The following SEC63 variants were observed in gnomAD, a reference collection of about 807,000 sequenced individuals.
SEC63 encodes translocation protein SEC63 homolog.
A neutral mutation model predicts 116.2 loss-of-function variants in SEC63; 56 were observed. That is an observed-to-expected ratio of 0.48 (90% confidence interval 0.39 to 0.60). The LOEUF (loss-of-function observed/expected upper bound fraction) is 0.60, where lower values mean the gene tolerates loss of function less well. Ranked by LOEUF, SEC63 falls within the 20% of genes least tolerant of loss-of-function variation. The probability of loss-of-function intolerance (pLI) is 0.00; values close to 1 mark genes in which losing one functional copy is unlikely to be tolerated. For synonymous variants in SEC63, 273 were observed against 294.6 expected, an observed-to-expected ratio of 0.93 and a Z score of 0.75; for missense variants, 668 against 900.0, an observed-to-expected ratio of 0.74 and a Z score of 3.30.
At chr6:107,876,476 A>C in intron 19 of SEC63, 88 bp downstream of exon 19, 1 of 854,626 alleles carries the variant, frequency 1.2e-6, no homozygotes, top group Non-Finnish European at 2.0e-6. Context: ...TAAATATGAT[A>C]AACTTTTTAA....
At chr6:107,944,180 T>C (rs1018930246) in intron 1 of SEC63, among the ~76,000 whole-genome samples, 1 of 151,950 alleles carries the variant, frequency 6.6e-6, no homozygotes, top group African/African-American at 2.4e-5. Flanking sequence ...AAGGTAAAAA[T>C]GTAAATAAAA....
intron 16 of SEC63, among the ~76,000 whole-genome samples, chr6:107,886,030 C>T (rs1481948129): frequency 1.3e-5 from 2 of 152,102 alleles, no homozygotes; most frequent in Non-Finnish European, 2.9e-5. Context: ...CCCGACATGC[C>T]CCGGTGTGTG....
At chr6:107,922,996 A>T (rs536076930) in intron 3 of SEC63, among the ~76,000 whole-genome samples, 1 of 132,002 alleles carries the variant, frequency 7.6e-6, no homozygotes, top group South Asian at 2.2e-4. Context: ...CATTTTCTTT[A>T]AAAAAAAAAA....
chr6:107,935,098 T>C (rs1583769431), intron 1 of SEC63, among the ~76,000 whole-genome samples: 1 of 107,922 alleles, frequency 9.3e-6, no homozygotes, highest in African/African-American at 3.6e-5. Context: ...CCTGGCCAGC[T>C]GCCCCGTCCG....
chr6:107,931,621 T>C (rs1002216967), intron 1 of SEC63, among the ~76,000 whole-genome samples: 3 of 151,410 alleles, frequency 2.0e-5, no homozygotes, highest in Non-Finnish European at 2.9e-5. Context: ...TGGTGGCACG[T>C]GCCTGTAGTC....
chr6:107,915,968 G>A (rs1030575087), intron 4 of SEC63, among the ~76,000 whole-genome samples: 15 of 152,210 alleles, frequency 9.9e-5, no homozygotes, highest in African/African-American at 3.4e-4. Context: ...ATATTCTACA[G>A]TTTAACCACA....
chr6:107,916,514 CTAT>C (rs1220502547), intron 4 of SEC63, among the ~76,000 whole-genome samples: 2 of 152,192 alleles, frequency 1.3e-5, no homozygotes, highest in African/African-American at 4.8e-5. Context: ...TCACAATTTG[CTAT>C]TATAACTTAG....
chr6:107,950,313 A>C (rs901125274), intron 1 of SEC63, among the ~76,000 whole-genome samples: 1 of 152,226 alleles, frequency 6.6e-6, no homozygotes, highest in Non-Finnish European at 1.5e-5. Context: ...AGAAACAGAC[A>C]GTGCTACAAT....
chr6:107,871,272 C>A lies in SEC63; in HGVS notation c.*432G>T, dbSNP rs970506593. Reference sequence around the variant, plus strand: ...CTTATCAAGAGATTATCAACTTGAGCGATGTTACTTAAACTTGAGCGATGT... The same window carrying A: ...CTTATCAAGAGATTATCAACTTGAGAGATGTTACTTAAACTTGAGCGATGT... On this transcript the variant is annotated 3_prime_UTR_variant, in exon 21 of 21. Transcript: ENST00000369002. 1.3e-4 allele frequency: 25 copies of A among 185,890 alleles called. No homozygotes were observed. The highest frequency in any genetic ancestry group is 1.9e-4 in the Non-Finnish European group (17 of 87,662). 11.5% of individuals were successfully genotyped at this position (185,890 alleles called of 1,614,324 possible).
chr6:107,882,979 A>G lies in SEC63; in HGVS notation c.1833+9T>C. 1.3e-6 allele frequency: 2 copies of G among 1,527,994 alleles called. No individual in the cohort carries two copies. The highest frequency in any genetic ancestry group is 1.1e-5 in the South Asian group (1 of 89,318). 94.7% of individuals were successfully genotyped at this position (1,527,994 alleles called of 1,614,324 possible). A position where few individuals can be genotyped will look rare whatever the true frequency, so the allele number is the denominator to read the frequency against. ...AATTATTTAAATTATTTAAACCTAT[A>G]AGGCTTACTGCTTCATCATCTTTGT... On this transcript the variant is annotated intron_variant, in intron 17 of 20. Transcript: ENST00000369002.
At chr6:107,912,689 T>C (rs746944285) in intron 6 of SEC63, 27 bp downstream of exon 6, 5 of 1,471,958 alleles carry the variant, frequency 3.4e-6, no homozygotes, top group Non-Finnish European at 4.8e-6. Context: ...TAATACATCA[T>C]AATGTATCTT....
chr6:107,896,735 T>C (rs999993800), intron 14 of SEC63, among the ~76,000 whole-genome samples: 2 of 151,760 alleles, frequency 1.3e-5, no homozygotes, highest in African/African-American at 4.8e-5. Context: ...TCCCAGAACT[T>C]TGGGAGGCCG....
rs565398672 is a variant in SEC63 at position 107,885,483 on chromosome 6, T to C, written c.1675-2337A>G. On this transcript the variant is annotated intron_variant, in intron 16 of 20. Transcript: ENST00000369002. ...TCTGCCACTGGAAATTACAAAACAC[T>C]GCTGAGAAAAATTAGGGAAGATCCA... 3.3e-5 allele frequency among the ~76,000 whole-genome samples: 5 copies of C among 152,256 alleles called. No homozygotes were observed. The South Asian group carries it at 8.3e-4, about 25-fold the overall frequency.
chr6:107,922,462 C>A (rs774226603), intron 3 of SEC63, among the ~76,000 whole-genome samples: 18 of 152,180 alleles, frequency 1.2e-4, no homozygotes, highest in Non-Finnish European at 2.5e-4. Flanking sequence ...GCTGAGACTA[C>A]GCCACTGCAC....
At position 107,897,703 on chromosome 6, in the gene SEC63, G is replaced by A. The variant is rs1347233778; in HGVS notation, c.1386C>T (p.Ile462=). The change falls in exon 14 of 21, where the codon ATC becomes ATT. Residue 462 remains isoleucine (I), a synonymous_variant. Coordinates refer to ENST00000369002, the MANE Select transcript of SEC63 (RefSeq NM_007214.5). The part of the protein sequence containing the change: ...QVLDDEDSNN[I]TVGSLVTVLV... ...ACACTGTAACTAAGGATCCTACTGT[G>A]ATGTTGTTGCTATCTTCATCATCTA... 1 of 1,610,060 alleles carries A rather than the reference G, an allele frequency of 6.2e-7. No homozygotes were observed. Among genetic ancestry groups the A allele is most frequent in the Admixed American group, 1.7e-5 (1 of 60,006 alleles).
intron 4 of SEC63, among the ~76,000 whole-genome samples, chr6:107,914,992 A>T (rs1453855471): frequency 6.6e-6 from 1 of 152,216 alleles, no homozygotes; most frequent in Non-Finnish European, 1.5e-5. Context: ...GATGGGAACC[A>T]TGTTGAACAT....
At chr6:107,893,309 G>T (rs1157348292) in intron 16 of SEC63, among the ~76,000 whole-genome samples, 173 bp downstream of exon 16, 2 of 152,152 alleles carry the variant, frequency 1.3e-5, no homozygotes, top group East Asian at 3.9e-4. Flanking sequence ...GGAGGTAGAG[G>T]GATGGGGAGA....
chr6:107,904,119 A>T (rs1454148586), intron 11 of SEC63, among the ~76,000 whole-genome samples: 1 of 2,924 alleles, frequency 3.4e-4, no homozygotes, highest in African/African-American at 2.6e-3. Flanking sequence ...CTCTGTCTCC[A>T]AAAAAAAAAA....
At position 107,901,524 on chromosome 6, in the gene SEC63, A is replaced by T. The variant is rs201986291; in HGVS notation, c.1210-7T>A. 175 of 745,176 alleles carry T rather than the reference A, an allele frequency of 2.3e-4. No homozygotes were observed. Among genetic ancestry groups the T allele is most frequent in the East Asian group, 8.4e-4 (18 of 21,556 alleles). 46.2% of individuals were successfully genotyped at this position (745,176 alleles called of 1,614,324 possible). ...GGATAGTTTTAATTTTATACTGAAT[A>T]AAAAAAAAAAAGAAAATACATAATT... On this transcript the variant is annotated splice_region_variant and splice_polypyrimidine_tract_variant and intron_variant, in intron 12 of 20. Coordinates refer to ENST00000369002, the MANE Select transcript of SEC63 (RefSeq NM_007214.5).
Sources: allele counts gnomAD v4.1 joint callset (sites outside exome capture counted in the v4.1 genomes callset), GRCh38; gene constraint gnomAD v4.1.1; transcripts MANE v1.5; gene names NCBI Gene and HGNC (gene_info 2026-07-23, HGNC 2026-07-21).